Variants in JADE2 observed in about 807,000 individuals in gnomAD.
JADE2 encodes the protein jade family PHD finger 2.
A neutral mutation model predicts 85.7 loss-of-function variants in JADE2; 13 were observed. The observed-to-expected ratio is 0.15, with a 90% CI of 0.10 to 0.24. JADE2 has a LOEUF of 0.24. JADE2 is among the 10% of genes least tolerant of loss of function. The pLI, the probability that JADE2 is intolerant of heterozygous loss-of-function variation, is 1.00. For synonymous variants in JADE2, 440 were observed against 456.1 expected, an observed-to-expected ratio of 0.96 and a Z score of 0.45; for missense variants, 846 against 1,115.9, an observed-to-expected ratio of 0.76 and a Z score of 3.45.
At chr5:134,552,030 T>C (rs1367759160) in intron 3 of JADE2, 22 bp from the exon 4 acceptor site, 3 of 1,613,628 alleles carry the variant, frequency 1.9e-6, no homozygotes, top group Admixed American at 1.7e-5. Flanking sequence ...GAAGTCACTC[T>C]TTCCCCTCTT....
intron 11 of JADE2, 83 bp downstream of exon 11, chr5:134,576,979 C>A (rs1199583248): frequency 1.4e-6 from 2 of 1,444,206 alleles, no homozygotes; most frequent in Non-Finnish European, 1.8e-6. Flanking sequence ...TGCGGAAGGC[C>A]AGCTGCACAG....
At chr5:134,533,141 C>T (rs1201180527) in intron 1 of JADE2, among the ~76,000 whole-genome samples, 1 of 152,150 alleles carries the variant, frequency 6.6e-6, no homozygotes, top group East Asian at 1.9e-4. Flanking sequence ...AGGGCACCTT[C>T]CTTACTGTAT....
At position 134,525,750 on chromosome 5, in the gene JADE2, G is replaced by C. The variant is rs1479039212; in HGVS notation, c.-262G>C. 1 of 1,222,804 alleles carries C rather than the reference G, an allele frequency of 8.2e-7. No individual in the cohort carries two copies. The highest frequency in any genetic ancestry group is 1.0e-6 in the Non-Finnish European group (1 of 961,044). The allele number at this position is 1,222,804 out of a possible 1,614,324, so 75.7% of individuals were successfully genotyped here. On this transcript the variant is annotated 5_prime_UTR_variant, in exon 1 of 12. Transcript: ENST00000681547. ...GGCTATTTTTTGGGGGGGGTGAGTA[G>C]CGTCCATGGAGTTACTTTGCGCCCA...
At chr5:134,571,487 A>G (rs1296909285) in intron 9 of JADE2, among the ~76,000 whole-genome samples, 1 of 152,200 alleles carries the variant, frequency 6.6e-6, no homozygotes, top group Non-Finnish European at 1.5e-5. Flanking sequence ...TCAGGAGGTC[A>G]GGAGTTCAAG....
intron 3 of JADE2, among the ~76,000 whole-genome samples, chr5:134,542,481 G>A (rs1370269642): frequency 2.3e-5 from 2 of 87,532 alleles, no homozygotes; most frequent in African/African-American, 9.2e-5. Flanking sequence ...TGCTTTTGTT[G>A]CCCAGGCTGT....
intron 3 of JADE2, among the ~76,000 whole-genome samples, chr5:134,550,025 A>G (rs1762511140): frequency 6.6e-6 from 1 of 152,224 alleles, no homozygotes; most frequent in African/African-American, 2.4e-5. Context: ...AGGGCCCCCT[A>G]AAAGCACGCA....
intron 4 of JADE2, among the ~76,000 whole-genome samples, chr5:134,555,283 G>A (rs936640657): frequency 6.6e-6 from 1 of 152,240 alleles, no homozygotes; most frequent in Admixed American, 6.5e-5. Context: ...GGGGCCAGAA[G>A]TCTCAGCCAG....
intron 10 of JADE2, 41 bp downstream of exon 10, chr5:134,573,803 C>G: frequency 4.0e-6 from 5 of 1,241,160 alleles, no homozygotes; most frequent in Non-Finnish European, 6.0e-6. Flanking sequence ...CTCCCTGTGC[C>G]CTCTCTTGCG....
rs1218868009 is a variant in JADE2, at chr5:134,580,427, C to CG, written c.*1110_*1111insG. ...AGCCTTAACCCCTCGCACAGCCATC[C>CG]CCCCCCCCGTCCTGCCATCCCCCCC... On this transcript the variant is annotated 3_prime_UTR_variant, in exon 12 of 12. Coordinates refer to ENST00000681547, the MANE Select transcript of JADE2 (RefSeq NM_001388185.1). 3 of 118,032 alleles carry CG rather than the reference C, an allele frequency of 2.5e-5. No homozygotes were observed. Among genetic ancestry groups the CG allele is most frequent in the Non-Finnish European group, 5.4e-5 (3 of 55,772 alleles). 7.3% of individuals were successfully genotyped at this position (118,032 alleles called of 1,614,324 possible). A position where few individuals can be genotyped will look rare whatever the true frequency, so the allele number is the denominator to read the frequency against.
At chr5:134,537,897 G>C (rs955179390) in intron 2 of JADE2, 92 bp from the exon 3 acceptor site, 5 of 900,798 alleles carry the variant, frequency 5.6e-6, no homozygotes, top group Non-Finnish European at 3.6e-6. Flanking sequence ...CATTCTAGCC[G>C]GGGCTTTGCT....
At chr5:134,561,749 T>C (rs35096828) in intron 6 of JADE2, among the ~76,000 whole-genome samples, 44,145 of 152,092 alleles carry the variant, frequency 0.29, 6,555 homozygotes, top group Middle Eastern at 0.36. Flanking sequence ...CAGCAGCTCT[T>C]AGGTTCATGT....
chr5:134,547,269 C>T (rs533770441), intron 3 of JADE2, among the ~76,000 whole-genome samples: 78 of 152,314 alleles, frequency 5.1e-4, no homozygotes, highest in African/African-American at 1.8e-3. Flanking sequence ...ATTGGCACCC[C>T]TAGCACTCAG....
In JADE2 at chr5:134,566,203, G is replaced by A. The variant is rs1375965521; in HGVS notation, c.1057G>A (p.Asp353Asn). 2.5e-6 allele frequency: 4 copies of A among 1,614,008 alleles called. No homozygotes were observed. The highest frequency in any genetic ancestry group is 2.2e-5 in the East Asian group (1 of 44,864). The change falls in exon 9 of 12, where the codon GAT (aspartate) becomes AAT (asparagine). Residue 353 changes from aspartate to asparagine, a missense_variant. This residue lies in a region of JADE2 where 39 missense variants were observed against 37.6 expected (regional missense o/e 1.04). Coordinates refer to ENST00000681547, the MANE Select transcript of JADE2 (RefSeq NM_001388185.1). This position sits in a 1 kb window ranked among gnomAD's most constrained non-coding sequence, Gnocchi z 6.7. ...LEMRTILADN[D>N]EVKFKSFCQE... ...AATGCGGACTATATTAGCAGACAAC[G>A]ATGAGGTCAAGTTCAAGTCATTCTG...
intron 9 of JADE2, among the ~76,000 whole-genome samples, chr5:134,572,688 G>C (rs329321): frequency 0.58 from 87,727 of 152,140 alleles, 27,286 homozygotes; most frequent in Non-Finnish European, 0.7. Flanking sequence ...AAGGGAGGGG[G>C]CTTGGTCTTG....
rs1296402496 is a variant in JADE2 at position 134,562,959 on chromosome 5, G to C, written c.852+592G>C. ...AGGTCTGGACAGAAGTCAGGCAGCT[G>C]ACTAGAGGGGAAAGCAGGTTGTGGG... is the stretch of plus-strand genomic sequence containing the variant. On this transcript the variant is annotated intron_variant, in intron 7 of 11. Coordinates refer to ENST00000681547, the MANE Select transcript of JADE2 (RefSeq NM_001388185.1). This position sits in a 1 kb window ranked among gnomAD's most constrained non-coding sequence, Gnocchi z 4.6. Among the ~76,000 whole-genome samples the C allele has an allele frequency of 6.6e-6, 1 of 152,210 alleles. No individual in the cohort carries two copies. The highest frequency in any genetic ancestry group is 1.5e-5 in the Non-Finnish European group (1 of 68,028).
intron 1 of JADE2, among the ~76,000 whole-genome samples, chr5:134,530,449 C>G (rs1308170262): frequency 1.3e-5 from 2 of 152,012 alleles, no homozygotes; most frequent in South Asian, 2.1e-4. Context: ...GGCCTAGTGG[C>G]CCCTGGAGAG....
intron 5 of JADE2, 47 bp downstream of exon 5, chr5:134,560,037 G>A: frequency 6.2e-7 from 1 of 1,605,586 alleles, no homozygotes; most frequent in Non-Finnish European, 8.5e-7. Flanking sequence ...GGGCAGGGAG[G>A]GTTTTCTCCC....
chr5:134,578,977 C>T lies in JADE2; in HGVS notation c.2165C>T (p.Pro722Leu). Reference sequence around the variant, plus strand: ...CCTGAAAGCCCCCCGCCACTGGCCCCTGAGACCCCGGACGAGGCAGCCTCA... The same window carrying T: ...CCTGAAAGCCCCCCGCCACTGGCCCTTGAGACCCCGGACGAGGCAGCCTCA... ...ATPESPPPLAPETPDEAASVA... is the reference protein window; with the variant it reads ...ATPESPPPLALETPDEAASVA... Residue 722 changes from proline to leucine, a missense_variant, in exon 12 of 12, where the codon CCT (proline) becomes CTT (leucine). This residue lies in a region of JADE2 where 300 missense variants were observed against 300.7 expected (regional missense o/e 1.00). Coordinates refer to ENST00000681547, the MANE Select transcript of JADE2 (RefSeq NM_001388185.1). This position sits in a 1 kb window ranked among gnomAD's most constrained non-coding sequence, Gnocchi z 4.4. 6.2e-7 allele frequency: 1 copy of T among 1,613,750 alleles called. No homozygotes were observed. The highest frequency in any genetic ancestry group is 8.5e-7 in the Non-Finnish European group (1 of 1,179,978).
At chr5:134,575,988 C>G (rs1052637546) in intron 10 of JADE2, among the ~76,000 whole-genome samples, 1 of 152,072 alleles carries the variant, frequency 6.6e-6, no homozygotes, top group African/African-American at 2.4e-5. Context: ...ATTACTGGAG[C>G]CCAAGAGTTC....
Sources: gnomAD v4.1 joint callset for allele counts (sites outside exome capture counted in the v4.1 genomes callset) on GRCh38, gnomAD v4.1.1 for gene constraint, gnomAD v4.1.1 regional missense constraint, Gnocchi (gnomAD v3.1) non-coding constraint, MANE v1.5 for transcripts, NCBI Gene and HGNC (gene_info 2026-07-23, HGNC 2026-07-21) for gene names.